Variants in DDC observed in about 807,000 individuals in gnomAD.
DDC encodes aromatic-L-amino-acid decarboxylase.
In DDC, 43 loss-of-function variants were observed where a neutral mutation model predicts 60.0. The ratio of observed to expected loss-of-function variants is 0.72; its 90% CI spans 0.56 to 0.92. The LOEUF is 0.92. Ranked by LOEUF, DDC falls within the 40% of genes least tolerant of loss-of-function variation. The probability of loss-of-function intolerance (pLI) is 0.00; values close to 1 mark genes in which losing one functional copy is unlikely to be tolerated. For synonymous variants in DDC, 232 were observed against 234.6 expected (o/e 0.99, Z 0.10); for missense variants, 573 against 620.2 (o/e 0.92, Z 0.81).
At chr7:50,500,887 C>A (rs2043237153) in intron 7 of DDC, among the ~76,000 whole-genome samples, 2 of 152,228 alleles carry the variant, frequency 1.3e-5, no homozygotes, top group African/African-American at 4.8e-5. Flanking sequence ...AACTTACAGA[C>A]CCCTAAAGGA....
chr7:50,493,785 A>G (rs115138012), intron 9 of DDC, among the ~76,000 whole-genome samples: 1,577 of 151,742 alleles, frequency 0.01, 25 homozygotes, highest in African/African-American at 0.037. Context: ...TGATTTGTAT[A>G]CAAGTAAAGG....
intron 4 of DDC, among the ~76,000 whole-genome samples, chr7:50,536,947 C>T (rs571095647): frequency 3.7e-4 from 56 of 151,386 alleles, no homozygotes; most frequent in Admixed American, 6.6e-4. Flanking sequence ...ACAATGCTTT[C>T]CTAATGAGAC....
intron 1 of DDC, among the ~76,000 whole-genome samples, chr7:50,561,787 G>A (rs954575541): frequency 2.0e-5 from 3 of 152,132 alleles, no homozygotes; most frequent in African/African-American, 4.8e-5. Flanking sequence ...TTGCAGAGGA[G>A]GAAGAGTGGA....
intron 4 of DDC, among the ~76,000 whole-genome samples, chr7:50,536,780 T>A (rs564526515): frequency 2.3e-4 from 35 of 152,358 alleles, no homozygotes; most frequent in Non-Finnish European, 3.5e-4. Context: ...AGAGACTTGC[T>A]TGCTAGTTTC....
At chr7:50,562,010 T>TAC (rs1000461722) in intron 1 of DDC, among the ~76,000 whole-genome samples, 1 of 152,104 alleles carries the variant, frequency 6.6e-6, no homozygotes, top group African/African-American at 2.4e-5. Context: ...AGTGCATGCA[T>TAC]ACACACACAT....
chr7:50,561,650 G>A (rs2045345484), intron 1 of DDC, among the ~76,000 whole-genome samples: 2 of 151,564 alleles, frequency 1.3e-5, no homozygotes, highest in South Asian at 4.2e-4. Flanking sequence ...GCAACAGGGA[G>A]GATCATCTTC....
chr7:50,470,707 C>G (rs1043671773), intron 11 of DDC, among the ~76,000 whole-genome samples: 3 of 152,194 alleles, frequency 2.0e-5, no homozygotes, highest in African/African-American at 7.2e-5. Context: ...CCCAAGACCC[C>G]TCATCAGAAG....
At chr7:50,469,974 T>C in intron 12 of DDC, 99 bp downstream of exon 12, 2 of 751,464 alleles carry the variant, frequency 2.7e-6, no homozygotes, top group Non-Finnish European at 4.4e-6. Context: ...AGTGAAACTC[T>C]GTCTCAAAAA....
At chr7:50,501,103 CAAGG>C (rs1563006770) in intron 7 of DDC, among the ~76,000 whole-genome samples, 1 of 152,200 alleles carries the variant, frequency 6.6e-6, no homozygotes, top group Non-Finnish European at 1.5e-5. Flanking sequence ...AGCCCTGAGG[CAAGG>C]CTGCCTCAGT....
intron 7 of DDC, among the ~76,000 whole-genome samples, chr7:50,500,772 A>G (rs1275356389): frequency 6.6e-6 from 1 of 152,210 alleles, no homozygotes; most frequent in Admixed American, 6.5e-5. Context: ...CATCCTGATG[A>G]TTAAACTGAG....
rs968716375 is a variant in DDC at position 50,492,704 on chromosome 7, C to A, written c.944+2646G>T. On this transcript the variant is annotated intron_variant, in intron 9 of 14. Transcript: ENST00000444124. ...AGGAAATTTTCCAAATGGCCTTTTC[C>A]AAATGGCCTGGCCTCATCCCTGTGT... is the stretch of plus-strand genomic sequence containing the variant. 1.6e-5 allele frequency: 22 copies of A among 1,389,352 alleles called. No homozygotes were observed. The African/African-American group carries it at 3.1e-4, about 19-fold the overall frequency. The allele number at this position is 1,389,352 out of a possible 1,614,324, so 86.1% of individuals were successfully genotyped here. A position where few individuals can be genotyped will look rare whatever the true frequency, so the allele number is the denominator to read the frequency against.
intron 1 of DDC, among the ~76,000 whole-genome samples, chr7:50,548,184 C>T (rs1211580952): frequency 1.3e-5 from 2 of 152,186 alleles, no homozygotes; most frequent in African/African-American, 4.8e-5. Flanking sequence ...CCTCCCTGTT[C>T]TCTAAGATGT....
chr7:50,481,455 T>C (rs1358748988), intron 9 of DDC, among the ~76,000 whole-genome samples: 1 of 152,188 alleles, frequency 6.6e-6, no homozygotes, highest in African/African-American at 2.4e-5. Flanking sequence ...TGAATATTTA[T>C]GGCTATCAGT....
At chr7:50,459,944 C>T (rs2042224262) in intron 14 of DDC, among the ~76,000 whole-genome samples, 2 of 143,710 alleles carry the variant, frequency 1.4e-5, no homozygotes, top group African/African-American at 5.4e-5. Context: ...GGGTCAGCCC[C>T]CTGCCCGGCC....
intron 1 of DDC, chr7:50,561,129 G>A (rs758239984): frequency 6.6e-6 from 1 of 152,286 alleles, no homozygotes; most frequent in African/African-American, 2.4e-5. Context: ...CCTCCCCGAA[G>A]CCAATCAGAG....
chr7:50,465,832 T>G (rs971958209), intron 13 of DDC, among the ~76,000 whole-genome samples: 2 of 152,208 alleles, frequency 1.3e-5, no homozygotes, highest in African/African-American at 4.8e-5. Flanking sequence ...ACACTAAGGT[T>G]GGTTGACTGG....
chr7:50,501,041 A>G (rs568660194), intron 7 of DDC, among the ~76,000 whole-genome samples: 90 of 152,306 alleles, frequency 5.9e-4, no homozygotes, highest in Non-Finnish European at 3.2e-4. Flanking sequence ...CCAGGCAGAC[A>G]CAGAGACCCT....
chr7:50,471,057 C>T (rs1448738899), intron 11 of DDC, among the ~76,000 whole-genome samples: 8 of 152,172 alleles, frequency 5.3e-5, no homozygotes, highest in Non-Finnish European at 8.8e-5. Flanking sequence ...TCCTGAGTCC[C>T]GCACTGCTCC....
intron 1 of DDC, among the ~76,000 whole-genome samples, chr7:50,548,535 T>A (rs1259532652): frequency 2.0e-5 from 3 of 152,196 alleles, no homozygotes; most frequent in Non-Finnish European, 2.9e-5. Flanking sequence ...CAAAGCGTAA[T>A]CCAGAGTAAG....
Sources: allele counts gnomAD v4.1 joint callset (sites outside exome capture counted in the v4.1 genomes callset), GRCh38; gene constraint gnomAD v4.1.1; transcripts MANE v1.5; gene names NCBI Gene and HGNC (gene_info 2026-07-23, HGNC 2026-07-21).